Variants in RBFOX2 observed in about 807,000 individuals in gnomAD.
RBFOX2 encodes the protein RNA binding protein fox-1 homolog 2.
Under a neutral mutation model 49.1 loss-of-function variants are expected in RBFOX2, and 10 were observed. That is an observed-to-expected ratio of 0.20 (90% confidence interval 0.13 to 0.35). RBFOX2 has a LOEUF of 0.35. Among genes scored for constraint, RBFOX2 ranks in the 10% least tolerant of loss-of-function variants. The pLI is 1.00. For missense variants in RBFOX2, 323 were observed against 486.9 expected (o/e 0.66, Z 3.17); for synonymous variants, 183 against 187.4 (o/e 0.98, Z 0.19).
intron 1 of RBFOX2, chr22:35,997,981 G>A (rs2058259824): frequency 6.6e-6 from 1 of 152,164 alleles, no homozygotes; most frequent in African/African-American, 2.4e-5. Context: ...CAGACTGGGT[G>A]ACAGAGTGCG....
At chr22:35,805,066 T>C (rs910257371) in intron 2 of RBFOX2, among the ~76,000 whole-genome samples, 4 of 151,770 alleles carry the variant, frequency 2.6e-5, no homozygotes, top group Non-Finnish European at 4.4e-5. Context: ...GGCGGGCGGA[T>C]CACGAGGTCA....
intron 4 of RBFOX2, among the ~76,000 whole-genome samples, chr22:35,769,824 T>C (rs1480203980): frequency 2.6e-5 from 4 of 152,196 alleles, no homozygotes; most frequent in Admixed American, 2.6e-4. Context: ...TTGAAGGATC[T>C]GATAACTCAG....
At chr22:35,854,198 G>A (rs2042256948) in intron 1 of RBFOX2, among the ~76,000 whole-genome samples, 3 of 151,466 alleles carry the variant, frequency 2.0e-5, no homozygotes, top group Admixed American at 2.0e-4. Flanking sequence ...GGCAACGAAA[G>A]CAAAACTCTG....
At chr22:36,026,305 GA>G (rs1330988510) in intron 1 of RBFOX2, among the ~76,000 whole-genome samples, 2 of 119,282 alleles carry the variant, frequency 1.7e-5, no homozygotes, top group Non-Finnish European at 3.3e-5. Context: ...TACAAGAAGT[GA>G]AAAAAGGATT....
chr22:35,906,683 C>G (rs2049160956), intron 1 of RBFOX2, among the ~76,000 whole-genome samples: 1 of 152,040 alleles, frequency 6.6e-6, no homozygotes, highest in Admixed American at 6.6e-5. Context: ...GGCGTGGTGG[C>G]ACACACCTGT....
chr22:35,831,705 A>T (rs919340247), intron 1 of RBFOX2, among the ~76,000 whole-genome samples: 4 of 152,206 alleles, frequency 2.6e-5, no homozygotes, highest in Non-Finnish European at 5.9e-5. Context: ...GCTCTCAGTT[A>T]AGAGTCTTTT....
chr22:35,986,955 CTCT>C (rs2057751953), intron 1 of RBFOX2, among the ~76,000 whole-genome samples: 3 of 150,374 alleles, frequency 2.0e-5, no homozygotes, highest in Non-Finnish European at 2.9e-5. Context: ...GTATAAAGAT[CTCT>C]TTTTTTTTTT....
At chr22:35,967,542 G>C (rs940371499) in intron 1 of RBFOX2, among the ~76,000 whole-genome samples, 1 of 152,198 alleles carries the variant, frequency 6.6e-6, no homozygotes, top group Non-Finnish European at 1.5e-5. Flanking sequence ...ACCCAGGGCT[G>C]TGTTAGGTGC....
intron 1 of RBFOX2, chr22:35,993,011 A>G (rs2058045513): frequency 6.6e-6 from 1 of 152,256 alleles, no homozygotes; most frequent in South Asian, 2.1e-4. Flanking sequence ...AACATAACAT[A>G]CAAAAACATA....
intron 1 of RBFOX2, among the ~76,000 whole-genome samples, chr22:35,812,928 T>C (rs552384835): frequency 2.0e-5 from 3 of 152,260 alleles, no homozygotes; most frequent in African/African-American, 7.2e-5. Context: ...ACACATCAAT[T>C]AGCAGTGGGA....
intron 2 of RBFOX2, among the ~76,000 whole-genome samples, chr22:35,795,135 T>C (rs943685779): frequency 4.6e-5 from 7 of 152,186 alleles, no homozygotes; most frequent in African/African-American, 1.4e-4. Flanking sequence ...AAACTACTCA[T>C]AGACATCAAA....
intron 2 of RBFOX2, among the ~76,000 whole-genome samples, chr22:35,794,313 G>A (rs1948346842): frequency 6.6e-6 from 1 of 152,028 alleles, no homozygotes; most frequent in African/African-American, 2.4e-5. Flanking sequence ...GCTGTAACTT[G>A]CTCAAATCAC....
chr22:35,959,713 G>A (rs1327317026), intron 1 of RBFOX2, among the ~76,000 whole-genome samples: 5 of 152,124 alleles, frequency 3.3e-5, no homozygotes, highest in African/African-American at 1.2e-4. Flanking sequence ...TGAATCACCT[G>A]GGAATAATCT....
chr22:35,884,710 T>C (rs2046347005), intron 1 of RBFOX2, among the ~76,000 whole-genome samples: 1 of 152,218 alleles, frequency 6.6e-6, no homozygotes, highest in African/African-American at 2.4e-5. Flanking sequence ...AGTGAGTCAC[T>C]AGGTCCAGCC....
At chr22:35,852,735 G>A (rs762631515) in intron 1 of RBFOX2, among the ~76,000 whole-genome samples, 9 of 152,070 alleles carry the variant, frequency 5.9e-5, no homozygotes, top group Non-Finnish European at 1.2e-4. Context: ...ATCATAAAAG[G>A]CTGTAATAAT....
At chr22:35,774,800 A>G (rs957609976) in intron 4 of RBFOX2, among the ~76,000 whole-genome samples, 22 of 152,228 alleles carry the variant, frequency 1.4e-4, no homozygotes, top group Non-Finnish European at 2.6e-4. Flanking sequence ...AAATGGGTAT[A>G]TCCTAAAACC....
intron 1 of RBFOX2, among the ~76,000 whole-genome samples, chr22:35,886,792 T>G (rs2149337230): frequency 6.6e-6 from 1 of 152,328 alleles, no homozygotes; most frequent in Non-Finnish European, 1.5e-5. Context: ...TGATGAATGA[T>G]GCAGTTCATA....
intron 1 of RBFOX2, among the ~76,000 whole-genome samples, chr22:35,953,738 G>C (rs1603457527): frequency 1.3e-5 from 2 of 152,210 alleles, no homozygotes; most frequent in South Asian, 4.1e-4. Context: ...ACTTCCTGTT[G>C]TTATTTGAAT....
intron 1 of RBFOX2, among the ~76,000 whole-genome samples, chr22:35,837,087 T>C (rs1957813738): frequency 6.6e-6 from 1 of 152,256 alleles, no homozygotes; most frequent in Non-Finnish European, 1.5e-5. Context: ...AATTGCCATT[T>C]GCTTTTTAGC....
Sources: allele counts gnomAD v4.1 joint callset (sites outside exome capture counted in the v4.1 genomes callset), GRCh38; gene constraint gnomAD v4.1.1; transcripts MANE v1.5; gene names NCBI Gene and HGNC (gene_info 2026-07-23, HGNC 2026-07-21).